NTPCR: variants seen among roughly 807,000 people sequenced by gnomAD.
NTPCR encodes cancer-related nucleoside-triphosphatase.
In NTPCR, 15 loss-of-function variants were observed where a neutral mutation model predicts 19.5. The observed-to-expected ratio is 0.77, with a 90% CI of 0.51 to 1.18. The LOEUF is 1.18. Among genes scored for constraint, NTPCR ranks in the 50% most tolerant of loss-of-function variants. The probability of loss-of-function intolerance (pLI) is 0.00; values close to 1 mark genes in which losing one functional copy is unlikely to be tolerated. For missense variants in NTPCR, 206 were observed against 240.4 expected (o/e 0.86, Z 0.95); for synonymous variants, 90 against 95.8 (o/e 0.94, Z 0.36).
At position 232,955,657 on chromosome 1, in the gene NTPCR, GAGA is replaced by G. The variant is rs1442888383; in HGVS notation, c.140_142del (p.Arg47del). On this transcript the variant is annotated inframe_deletion, in exon 2 of 5. Transcript: ENST00000366628. ...ATACCGAAGAAGTCAGACAGGGAGG[GAGA>G]AGAATAGGATTCGATGTCGTCACGT... 6.2e-7 allele frequency: 1 copy of G among 1,613,764 alleles called. No homozygotes were observed. Among genetic ancestry groups the G allele is most frequent in the Non-Finnish European group, 8.5e-7 (1 of 1,179,980 alleles).
chr1:232,957,275 AT>A (rs1209300624), intron 3 of NTPCR, among the ~76,000 whole-genome samples: 1 of 151,768 alleles, frequency 6.6e-6, no homozygotes, highest in Non-Finnish European at 1.5e-5. Context: ...ATTCGTATTA[AT>A]TTTTCTTTGA....
At chr1:232,976,602 C>G (rs1329804007) in intron 4 of NTPCR, 1 of 1,430,558 alleles carries the variant, frequency 7.0e-7, no homozygotes, top group African/African-American at 1.4e-5. Context: ...TGGAGCTGTC[C>G]CATGAAGCCA....
intron 4 of NTPCR, among the ~76,000 whole-genome samples, chr1:232,971,530 T>G (rs775793817): frequency 2.3e-4 from 35 of 152,154 alleles, no homozygotes; most frequent in Non-Finnish European, 4.0e-4. Flanking sequence ...GCTTCTTTAT[T>G]GATTTATTTA....
chr1:232,953,494 C>T (rs1668429481), intron 1 of NTPCR, among the ~76,000 whole-genome samples: 1 of 152,082 alleles, frequency 6.6e-6, no homozygotes, highest in South Asian at 2.1e-4. Context: ...ACATACAGTC[C>T]CCACAGTATA....
At chr1:232,977,133 T>TA (rs1269112018) in intron 4 of NTPCR, 3 of 152,364 alleles carry the variant, frequency 2.0e-5, no homozygotes, top group African/African-American at 4.8e-5. Flanking sequence ...TCCCTGCTCT[T>TA]ACCGGGAACC....
At chr1:232,956,013 T>G (rs1189586254) in intron 2 of NTPCR, among the ~76,000 whole-genome samples, 3 of 152,228 alleles carry the variant, frequency 2.0e-5, no homozygotes, top group Non-Finnish European at 4.4e-5. Flanking sequence ...TTAAAACTTG[T>G]TCACCAAGTC....
At chr1:232,960,405 G>A (rs1414551914) in intron 3 of NTPCR, among the ~76,000 whole-genome samples, 6 of 150,530 alleles carry the variant, frequency 4.0e-5, no homozygotes, top group African/African-American at 9.8e-5. Context: ...GTGCAGTGGC[G>A]CCATCTCAGC....
At chr1:232,975,158 G>A (rs1669092418) in intron 4 of NTPCR, among the ~76,000 whole-genome samples, 1 of 152,218 alleles carries the variant, frequency 6.6e-6, no homozygotes, top group South Asian at 2.1e-4. Context: ...AGACCTTGGG[G>A]TGCACATGTT....
chr1:232,976,619 AAGC>A, intron 4 of NTPCR: 1 of 1,425,132 alleles, frequency 7.0e-7, no homozygotes, highest in Admixed American at 3.2e-5. Flanking sequence ...GCCAAAGGAA[AAGC>A]TGACTGTCCT....
At chr1:232,957,633 T>C (rs1008113397) in intron 3 of NTPCR, among the ~76,000 whole-genome samples, 11 of 152,218 alleles carry the variant, frequency 7.2e-5, no homozygotes, top group Non-Finnish European at 1.0e-4. Context: ...CAGCTTTTGT[T>C]TTATTGATTA....
intron 2 of NTPCR, 120 bp from the exon 3 acceptor site, chr1:232,956,227 G>A: frequency 1.4e-6 from 1 of 715,048 alleles, no homozygotes; most frequent in African/African-American, 1.8e-5. Flanking sequence ...CGCATTTTGT[G>A]TTGGTCATTT....
At chr1:232,963,644 C>T (rs570200954) in intron 3 of NTPCR, 146 of 152,220 alleles carry the variant, frequency 9.6e-4, no homozygotes, top group African/African-American at 3.4e-3. Context: ...TGGTTGTTTT[C>T]TTGAGTCTGG....
At chr1:232,969,774 G>A (rs1558132514) in intron 3 of NTPCR, 135 bp from the exon 4 acceptor site, 1 of 682,486 alleles carries the variant, frequency 1.5e-6, no homozygotes. Context: ...TCTGTGGGAT[G>A]CTGTCACTTT....
Position 232,983,543 on chromosome 1 carries a change from G to A in NTPCR, c.*5312G>A, listed in dbSNP as rs535895808. ...CACGCGTCCCTGTGAAGCCCGCAGG[G>A]TGCTGGCGGCCCACCAATCGCCTGG... On this transcript the variant is annotated 3_prime_UTR_variant, in exon 5 of 5. Transcript: ENST00000366628. The A allele has an allele frequency of 6.6e-6, 1 of 152,366 alleles. No individual in the cohort carries two copies. The highest frequency in any genetic ancestry group is 1.5e-5 in the Non-Finnish European group (1 of 68,034). 9.4% of individuals were successfully genotyped at this position (152,366 alleles called of 1,614,324 possible). A position where few individuals can be genotyped will look rare whatever the true frequency, so the allele number is the denominator to read the frequency against.
At position 232,950,709 on chromosome 1, in the gene NTPCR, G is replaced by A. The variant is rs749653660; in HGVS notation, c.-2G>A. On this transcript the variant is annotated 5_prime_UTR_variant, in exon 1 of 5. Transcript: ENST00000366628. Reference sequence around the variant, plus strand: ...CCGCAACCCCTACCCCCGCCCACCAGTATGGCCCGGCACGTGTTCCTAACG... The same window carrying A: ...CCGCAACCCCTACCCCCGCCCACCAATATGGCCCGGCACGTGTTCCTAACG... 4 of 1,606,408 alleles carry A rather than the reference G, an allele frequency of 2.5e-6. No homozygotes were observed. In the South Asian group the frequency reaches 4.4e-5, roughly 18 times the overall value.
rs575446783 is a variant in NTPCR, at chr1:232,973,935, A to T, written c.504+3817A>T. ...CAGAGTTTCTGGGACCTGTGGGACT[A>T]TAACAAAAGATGTGACATTCACATC... On this transcript the variant is annotated intron_variant, in intron 4 of 4. Coordinates refer to ENST00000366628, the MANE Select transcript of NTPCR (RefSeq NM_032324.3). 2.0e-5 allele frequency among the ~76,000 whole-genome samples: 3 copies of T among 152,366 alleles called. No individual in the cohort carries two copies. The East Asian group carries it at 5.8e-4, about 29-fold the overall frequency.
intron 3 of NTPCR, chr1:232,963,185 G>A (rs1668715166): frequency 6.6e-6 from 1 of 152,196 alleles, no homozygotes; most frequent in African/African-American, 2.4e-5. Context: ...CAGAAAATCA[G>A]TTTTTAAACT....
intron 1 of NTPCR, chr1:232,951,160 CATTG>C (rs909677341): frequency 1.8e-5 from 3 of 165,644 alleles, no homozygotes; most frequent in African/African-American, 7.2e-5. Flanking sequence ...GTCTTTGCTA[CATTG>C]ATCGTGCAAA....
chr1:232,951,025 A>G, intron 1 of NTPCR: 1 of 451,332 alleles, frequency 2.2e-6, no homozygotes, highest in Non-Finnish European at 3.9e-6. Context: ...CGGCAGCGGT[A>G]ACTCCTACTG....
Sources: gnomAD v4.1 joint callset for allele counts (sites outside exome capture counted in the v4.1 genomes callset) on GRCh38, gnomAD v4.1.1 for gene constraint, MANE v1.5 for transcripts, NCBI Gene and HGNC (gene_info 2026-07-23, HGNC 2026-07-21) for gene names.